COLQ: variants seen among roughly 807,000 people sequenced by gnomAD.
The protein encoded by COLQ is collagen like tail subunit of asymmetric acetylcholinesterase.
Under a neutral mutation model 69.0 loss-of-function variants are expected in COLQ, and 48 were observed. The observed-to-expected ratio is 0.70, with a 90% CI of 0.55 to 0.88. COLQ has a LOEUF of 0.88. Ranked by LOEUF, COLQ falls within the 40% of genes least tolerant of loss-of-function variation. The pLI is 0.00. For synonymous variants in COLQ, 217 were observed against 211.2 expected (o/e 1.03, Z -0.24); for missense variants, 618 against 594.6 (o/e 1.04, Z -0.41).
intron 10 of COLQ, among the ~76,000 whole-genome samples, chr3:15,472,675 C>T (rs1205742920): frequency 6.6e-6 from 1 of 152,164 alleles, no homozygotes; most frequent in Non-Finnish European, 1.5e-5. Context: ...TATTCTCTGA[C>T]ATTCCCCCTC....
In COLQ at chr3:15,479,071, G is replaced by GT; in HGVS notation, c.367-69dup. Reference sequence around the variant, plus strand: ...AGATGTTCTGGAAGCAGAAGCCTTAGTAGAGCTGATGACTGGGCATGGCCA... The same window carrying GT: ...AGATGTTCTGGAAGCAGAAGCCTTAGTTAGAGCTGATGACTGGGCATGGCCA... On this transcript the variant is annotated intron_variant, in intron 4 of 16. Coordinates refer to ENST00000383788, the MANE Select transcript of COLQ (RefSeq NM_005677.4). 4 of 1,591,696 alleles carry GT rather than the reference G, an allele frequency of 2.5e-6. No individual in the cohort carries two copies. The South Asian group carries it at 4.4e-5, about 18-fold the overall frequency.
At chr3:15,497,749 C>T (rs1364521817) in intron 1 of COLQ, among the ~76,000 whole-genome samples, 1 of 152,182 alleles carries the variant, frequency 6.6e-6, no homozygotes, top group East Asian at 1.9e-4. Flanking sequence ...CGCTGTATGG[C>T]AGCTCAGAGT....
chr3:15,475,218 C>A, intron 7 of COLQ: 2 of 657,910 alleles, frequency 3.0e-6, no homozygotes, highest in Non-Finnish European at 2.6e-6. Context: ...GTTCTTCCTG[C>A]CCAAGAGAAC....
At chr3:15,457,891 A>G (rs1329138790) in intron 13 of COLQ, among the ~76,000 whole-genome samples, 1 of 152,220 alleles carries the variant, frequency 6.6e-6, no homozygotes, top group Admixed American at 6.5e-5. Context: ...TGCTGGGATT[A>G]CAGGCATAAG....
At chr3:15,472,197 G>A (rs1404508775) in intron 10 of COLQ, among the ~76,000 whole-genome samples, 1 of 152,190 alleles carries the variant, frequency 6.6e-6, no homozygotes, top group African/African-American at 2.4e-5. Flanking sequence ...TAATTTTACA[G>A]TAATTTATTA....
At position 15,489,650 on chromosome 3, in the gene COLQ, A is replaced by C. The variant is rs914502059; in HGVS notation, c.107-13T>G. 1 of 1,612,890 alleles carries C rather than the reference A, an allele frequency of 6.2e-7. No homozygotes were observed. Among genetic ancestry groups the C allele is most frequent in the Non-Finnish European group, 8.5e-7 (1 of 1,179,340 alleles). ...AGGCTGGGAAGGGCTGTTCAGAGAA[A>C]ACTGCCGCTCGTTAGCATGTGGTCA... On this transcript the variant is annotated splice_polypyrimidine_tract_variant and intron_variant, in intron 1 of 16. Transcript: ENST00000383788.
At position 15,498,469 on chromosome 3, in the gene COLQ, CCACACACACACACACACGTG is replaced by C; in HGVS notation, c.107-8852_107-8833del. On this transcript the variant is annotated intron_variant, in intron 1 of 16. Transcript: ENST00000383788. ...TTTTTCCAAAACAATGCATGTGCAT[CCACACACACACACACACGTG>C]CACACACGCACACACAACTCACCCA... 2.1e-6 allele frequency: 3 copies of C among 1,442,352 alleles called. No individual in the cohort carries two copies. The South Asian group carries it at 3.8e-5, about 18-fold the overall frequency. The allele number at this position is 1,442,352 out of a possible 1,614,324, so 89.3% of individuals were successfully genotyped here. A position where few individuals can be genotyped will look rare whatever the true frequency, so the allele number is the denominator to read the frequency against.
At position 15,473,975 on chromosome 3, in the gene COLQ, T is replaced by C. The variant is rs372147867; in HGVS notation, c.636+25A>G. ...GACCTGATATTTTTATTGAGGCCTA[T>C]TTTCACTACCTCAAGGTTACTTACT... On this transcript the variant is annotated intron_variant, in intron 10 of 16. Coordinates refer to ENST00000383788, the MANE Select transcript of COLQ (RefSeq NM_005677.4). The surrounding 1 kb of genome is among the most constrained non-coding windows in gnomAD (Gnocchi z 4.0). 6.2e-6 allele frequency: 10 copies of C among 1,613,676 alleles called. No homozygotes were observed. Among genetic ancestry groups the C allele is most frequent in the Non-Finnish European group, 7.6e-6 (9 of 1,179,724 alleles).
chr3:15,518,829 T>C (rs67821448), intron 1 of COLQ, among the ~76,000 whole-genome samples: 62,440 of 152,016 alleles, frequency 0.41, 13,828 homozygotes, highest in East Asian at 0.62. Flanking sequence ...TCCGTGTCCC[T>C]TGAAGCACAC....
chr3:15,488,271 G>T lies in COLQ; in HGVS notation c.256C>A (p.Leu86Met). Residue 86 changes from leucine to methionine, a missense_variant, in exon 3 of 17, where the codon CTG becomes ATG. Transcript: ENST00000383788. ...SPDMKNLMLE[L>M]ETSQSPCMQG... The stretch of plus-strand genomic sequence containing the variant: ...ATGCACGGGGACTGCGAGGTCTCCA[G>T]TTCCAGCATGAGATTCTTCATGTCT... 6.2e-7 allele frequency: 1 copy of T among 1,613,698 alleles called. No homozygotes were observed. The highest frequency in any genetic ancestry group is 8.5e-7 in the Non-Finnish European group (1 of 1,180,000).
chr3:15,488,383 C>A (rs1015549511), intron 2 of COLQ, 76 bp from the exon 3 acceptor site: 1 of 1,232,702 alleles, frequency 8.1e-7, no homozygotes, highest in African/African-American at 1.5e-5. Flanking sequence ...GGACACAGAC[C>A]TGCTCCGGGA....
chr3:15,480,363 G>C (rs1266403516), intron 3 of COLQ, among the ~76,000 whole-genome samples: 1 of 150,860 alleles, frequency 6.6e-6, no homozygotes, highest in Non-Finnish European at 1.5e-5. Context: ...CCTGGTATGT[G>C]ATGTTCCCCA....
At chr3:15,459,428 TTTA>T (rs1201139793) in intron 12 of COLQ, among the ~76,000 whole-genome samples, 4 of 152,036 alleles carry the variant, frequency 2.6e-5, no homozygotes, top group Non-Finnish European at 4.4e-5. Context: ...CATCCACACT[TTTA>T]TTTATTTATT....
intron 1 of COLQ, among the ~76,000 whole-genome samples, chr3:15,516,237 T>C (rs528537156): frequency 6.6e-6 from 1 of 152,252 alleles, no homozygotes; most frequent in Non-Finnish European, 1.5e-5. Context: ...CAATAGCTGA[T>C]CAGCATCAGA....
intron 6 of COLQ, among the ~76,000 whole-genome samples, 183 bp downstream of exon 6, chr3:15,476,942 CA>C (rs2062389216): frequency 1.3e-5 from 2 of 152,262 alleles, no homozygotes; most frequent in South Asian, 4.1e-4. Context: ...TTGCACTGAT[CA>C]AGGTCTTGCA....
At chr3:15,474,162 G>T in intron 9 of COLQ, 66 bp downstream of exon 9, 4 of 1,595,728 alleles carry the variant, frequency 2.5e-6, no homozygotes, top group Non-Finnish European at 3.4e-6. Flanking sequence ...TCCACGGATG[G>T]GGGTGGGTGG....
intron 1 of COLQ, among the ~76,000 whole-genome samples, chr3:15,492,666 CA>C (rs72252382): frequency 0.42 from 54,579 of 130,480 alleles, 10,978 homozygotes; most frequent in African/African-American, 0.59. Context: ...GACTCCGTCT[CA>C]AAAAAAAAAA....
rs116453305 is a variant in COLQ at position 15,489,466 on chromosome 3, C to T, written c.219+59G>A. The T allele has an allele frequency of 8.4e-3, 12,582 of 1,503,428 alleles. 73 individuals carry two copies. Among genetic ancestry groups the T allele is most frequent in the Non-Finnish European group, 0.011 (11,534 of 1,080,882 alleles). 93.1% of individuals were successfully genotyped at this position (1,503,428 alleles called of 1,614,324 possible). A position where few individuals can be genotyped will look rare whatever the true frequency, so the allele number is the denominator to read the frequency against. ...GGAGTGGGGCAGGCAGGTGGGGCTG[C>T]GTGGTGTGCACTGAGTAGCCTGCAC... is the stretch of plus-strand genomic sequence containing the variant. On this transcript the variant is annotated intron_variant, in intron 2 of 16. Coordinates refer to ENST00000383788, the MANE Select transcript of COLQ (RefSeq NM_005677.4).
At chr3:15,478,785 T>C (rs1367784782) in intron 5 of COLQ, 192 bp downstream of exon 5, 1 of 705,138 alleles carries the variant, frequency 1.4e-6, no homozygotes, top group East Asian at 2.7e-5. Flanking sequence ...AGCAGGCTCC[T>C]GCTCCTGAAC....
Sources: gnomAD v4.1 joint callset for allele counts (sites outside exome capture counted in the v4.1 genomes callset) on GRCh38, gnomAD v4.1.1 for gene constraint, Gnocchi (gnomAD v3.1) non-coding constraint, MANE v1.5 for transcripts, NCBI Gene and HGNC (gene_info 2026-07-23, HGNC 2026-07-21) for gene names.